SGCD: variants seen among roughly 807,000 people sequenced by gnomAD.
SGCD encodes sarcoglycan delta, also known as delta-sarcoglycan.
In SGCD, 18 loss-of-function variants were observed where a neutral mutation model predicts 36.6. The observed-to-expected ratio is 0.49, with a 90% CI of 0.34 to 0.73. The LOEUF is 0.73. SGCD is among the 30% of genes least tolerant of loss of function. The pLI is 0.01. For synonymous variants in SGCD, 133 were observed against 130.6 expected (o/e 1.02, Z -0.12); for missense variants, 387 against 346.7 (o/e 1.12, Z -0.92).
chr5:156,752,389 ATTC>A (rs759473026), intron 7 of SGCD, among the ~76,000 whole-genome samples: 13 of 152,036 alleles, frequency 8.6e-5, no homozygotes, highest in Non-Finnish European at 4.4e-5. Context: ...AACCATTGTC[ATTC>A]TTTCTTTTTT....
the SGCD span, among the ~76,000 whole-genome samples, chr5:155,859,504 T>C: frequency 6.3e-3 from 962 of 152,302 alleles, 7 homozygotes; most frequent in African/African-American, 0.022. Context: ...TATTTCTGTT[T>C]CTTCAAAATA....
intron 3 of SGCD, among the ~76,000 whole-genome samples, chr5:156,256,895 G>A (rs1765729475): frequency 6.6e-6 from 1 of 152,118 alleles, no homozygotes; most frequent in Admixed American, 6.5e-5. Context: ...ATAAAAAAAT[G>A]AGGCTGAGCG....
the SGCD span, among the ~76,000 whole-genome samples, chr5:155,856,287 A>T: frequency 6.6e-6 from 1 of 152,222 alleles, no homozygotes; most frequent in African/African-American, 2.4e-5. Context: ...ATACAGTAAT[A>T]AAAACATTGA....
the SGCD span, among the ~76,000 whole-genome samples, chr5:155,817,351 T>C: frequency 2.6e-5 from 4 of 151,720 alleles, no homozygotes; most frequent in Admixed American, 2.6e-4. Context: ...CATTCTGATA[T>C]TAGGGTCCTG....
At chr5:155,868,068 TC>T (rs1399393697), upstream of SGCD, among the ~76,000 whole-genome samples, 4 of 152,018 alleles carry the variant, frequency 2.6e-5, no homozygotes, top group African/African-American at 7.2e-5. Flanking sequence ...TTTTTTTTTT[TC>T]GAGATGGAGT....
At chr5:156,463,665 C>T (rs1343206665) in intron 3 of SGCD, among the ~76,000 whole-genome samples, 1 of 152,106 alleles carries the variant, frequency 6.6e-6, no homozygotes, top group Non-Finnish European at 1.5e-5. Flanking sequence ...GTTCTGTCTC[C>T]TTCACTTACT....
intron 7 of SGCD, among the ~76,000 whole-genome samples, chr5:156,682,567 A>G (rs941875633): frequency 1.3e-5 from 2 of 152,264 alleles, no homozygotes; most frequent in Non-Finnish European, 2.9e-5. Context: ...AGTATACTTC[A>G]GACTTGCCTT....
chr5:155,948,837 T>G (rs933040229), intron 1 of SGCD, among the ~76,000 whole-genome samples: 1 of 152,200 alleles, frequency 6.6e-6, no homozygotes, highest in Admixed American at 6.5e-5. Flanking sequence ...CTATCATCTG[T>G]GTGATGGGGT....
chr5:155,998,086 A>G (rs1428748859), intron 1 of SGCD, among the ~76,000 whole-genome samples: 4 of 152,220 alleles, frequency 2.6e-5, no homozygotes, highest in Non-Finnish European at 5.9e-5. Flanking sequence ...AGTGTGTTAC[A>G]ATGACAGGCA....
At chr5:156,605,264 T>C (rs565256867) in intron 6 of SGCD, among the ~76,000 whole-genome samples, 1 of 152,268 alleles carries the variant, frequency 6.6e-6, no homozygotes, top group Non-Finnish European at 1.5e-5. Context: ...TGTGTTCTCA[T>C]TCTTCAATTC....
At chr5:156,101,939 T>TGAGA (rs1183429857) in intron 1 of SGCD, among the ~76,000 whole-genome samples, 1 of 147,824 alleles carries the variant, frequency 6.8e-6, no homozygotes, top group Non-Finnish European at 1.5e-5. Context: ...TGTGTGTGTG[T>TGAGA]GTGAGAGAGA....
intron 4 of SGCD, among the ~76,000 whole-genome samples, chr5:156,575,988 A>C (rs536693624): frequency 6.6e-6 from 1 of 152,162 alleles, no homozygotes; most frequent in Non-Finnish European, 1.5e-5. Context: ...GGTTTGTTAC[A>C]TAGGTATACC....
chr5:156,738,262 G>A (rs1271911142), intron 7 of SGCD, among the ~76,000 whole-genome samples: 2 of 152,176 alleles, frequency 1.3e-5, no homozygotes, highest in Non-Finnish European at 2.9e-5. Flanking sequence ...TGTAAAGAAT[G>A]TAATAGTTTG....
Position 156,262,928 on chromosome 5 carries a change from CAT to C in SGCD, c.-43-66594_-43-66593del, listed in dbSNP as rs751681899. Among the ~76,000 whole-genome samples, 117 of 146,392 alleles carry C rather than the reference CAT, an allele frequency of 8.0e-4. 1 individual carries two copies. The highest frequency in any genetic ancestry group is 2.7e-3 in the African/African-American group (107 of 39,926). On this transcript the variant is annotated intron_variant, in intron 3 of 9. Coordinates refer to the SGCD transcript ENST00000517913. ...GTGTGTGTGTGTGTGTGTGTGTATA[CAT>C]ATATATATATACACACACATATATA...
intron 5 of SGCD, among the ~76,000 whole-genome samples, chr5:156,590,072 T>C (rs1760662808): frequency 6.6e-6 from 1 of 152,126 alleles, no homozygotes; most frequent in Non-Finnish European, 1.5e-5. Context: ...GGAAAAGGAA[T>C]GTATGTATGA....
intron 1 of SGCD, among the ~76,000 whole-genome samples, chr5:155,911,282 G>A (rs1176999018): frequency 1.4e-5 from 2 of 142,492 alleles, no homozygotes; most frequent in Admixed American, 7.1e-5. Flanking sequence ...TAACTTATAT[G>A]AGTATAGTAT....
chr5:156,636,780 T>A (rs150091454), intron 6 of SGCD, among the ~76,000 whole-genome samples: 211 of 152,286 alleles, frequency 1.4e-3, no homozygotes, highest in African/African-American at 4.6e-3. Context: ...TAAAAAGTGA[T>A]TTTTAAATTT....
chr5:156,675,506 G>T (rs1312091541), intron 7 of SGCD, among the ~76,000 whole-genome samples: 3 of 152,122 alleles, frequency 2.0e-5, no homozygotes, highest in African/African-American at 7.2e-5. Flanking sequence ...TGCCAGGCTG[G>T]TCCCAAAATT....
chr5:155,819,705 C>A, the SGCD span, among the ~76,000 whole-genome samples: 3 of 152,254 alleles, frequency 2.0e-5, no homozygotes, highest in East Asian at 3.9e-4. Flanking sequence ...TGTTTAATTA[C>A]CACACAGCAC....
Sources: gnomAD v4.1 joint callset for allele counts (sites outside exome capture counted in the v4.1 genomes callset) on GRCh38, gnomAD v4.1.1 for gene constraint, MANE v1.5 for transcripts, NCBI Gene and HGNC (gene_info 2026-07-23, HGNC 2026-07-21) for gene names.